Variants in CYRIA observed in about 807,000 individuals in gnomAD.
CYRIA encodes the protein CYFIP related Rac1 interactor A.
In CYRIA, 15 loss-of-function variants were observed where a neutral mutation model predicts 43.9. The observed-to-expected ratio is 0.34, with a 90% confidence interval of 0.23 to 0.53. The LOEUF is 0.53. Among genes scored for constraint, CYRIA ranks in the 20% least tolerant of loss-of-function variants. The pLI is 0.94. For missense variants in CYRIA, 236 were observed against 394.2 expected (o/e 0.60, Z 3.40); for synonymous variants, 117 against 136.0 (o/e 0.86, Z 0.97).
At chr2:16,607,801 T>C (rs6756008) in intron 2 of CYRIA, among the ~76,000 whole-genome samples, 43,718 of 152,028 alleles carry the variant, frequency 0.29, 8,734 homozygotes, top group East Asian at 0.8. Context: ...TTCACCATCT[T>C]GGTCAGGCTG....
chr2:16,563,961 G>T, intron 5 of CYRIA, 28 bp downstream of exon 5: 1 of 1,524,326 alleles, frequency 6.6e-7, no homozygotes, highest in South Asian at 1.1e-5. Context: ...CCGTATGTGG[G>T]CCATGAAAAC....
chr2:16,568,303 C>T lies in CYRIA; in HGVS notation c.71-2536G>A, dbSNP rs186985733. 1.3e-4 allele frequency among the ~76,000 whole-genome samples: 20 copies of T among 150,544 alleles called. 1 individual carries two copies. In the East Asian group the frequency reaches 3.7e-3, roughly 28 times the overall value. On this transcript the variant is annotated intron_variant, in intron 3 of 11. Transcript: ENST00000381323. The stretch of plus-strand genomic sequence containing the variant: ...GCGTTTTTGGATAAGGGGTATTCAA[C>T]CTGAACTTTTTCAGGTTTTATGGCC...
intron 1 of CYRIA, among the ~76,000 whole-genome samples, chr2:16,632,177 C>T (rs10197210): frequency 0.13 from 19,421 of 152,204 alleles, 2,179 homozygotes; most frequent in East Asian, 0.61. Context: ...AAGTGACTTG[C>T]CCCATGCACA....
At chr2:16,632,023 C>T (rs532488567) in intron 1 of CYRIA, among the ~76,000 whole-genome samples, 1 of 152,330 alleles carries the variant, frequency 6.6e-6, no homozygotes, top group East Asian at 1.9e-4. Context: ...CCCAGTGCCC[C>T]AGCCTGCAGC....
At chr2:16,562,922 G>T (rs72777915) in intron 5 of CYRIA, among the ~76,000 whole-genome samples, 1 of 152,112 alleles carries the variant, frequency 6.6e-6, no homozygotes, top group Non-Finnish European at 1.5e-5. Context: ...AAGACAGGAC[G>T]GCCCACAACT....
At chr2:16,565,600 C>T in intron 4 of CYRIA, 46 bp downstream of exon 4, 1 of 1,491,942 alleles carries the variant, frequency 6.7e-7, no homozygotes. Flanking sequence ...TGTGGTTTTC[C>T]TTCCCCTCCT....
intron 1 of CYRIA, among the ~76,000 whole-genome samples, chr2:16,636,063 G>A (rs1197162916): frequency 6.6e-6 from 1 of 152,126 alleles, no homozygotes. Flanking sequence ...GCAATGGCAG[G>A]CAGCATATCT....
chr2:16,585,784 G>A (rs1284043470), intron 3 of CYRIA, among the ~76,000 whole-genome samples: 4 of 152,070 alleles, frequency 2.6e-5, no homozygotes, highest in Non-Finnish European at 4.4e-5. Context: ...AGTGGGTGGG[G>A]GCGCACAGAA....
intron 1 of CYRIA, among the ~76,000 whole-genome samples, chr2:16,662,029 C>A (rs1670269385): frequency 6.6e-6 from 1 of 152,178 alleles, no homozygotes; most frequent in Admixed American, 6.5e-5. Context: ...GAATATGTTT[C>A]TAAAACTCAG....
intron 3 of CYRIA, among the ~76,000 whole-genome samples, chr2:16,581,542 C>CT (rs372906815): frequency 1.4e-3 from 203 of 146,402 alleles, no homozygotes; most frequent in Middle Eastern, 0.011. Flanking sequence ...TTCACAGTTT[C>CT]TTTTTTTTTT....
intron 1 of CYRIA, among the ~76,000 whole-genome samples, chr2:16,663,033 G>T (rs925576221): frequency 6.6e-6 from 1 of 152,222 alleles, no homozygotes; most frequent in Non-Finnish European, 1.5e-5. Flanking sequence ...TCAAGGCTGG[G>T]CAAAATGCCC....
intron 1 of CYRIA, among the ~76,000 whole-genome samples, chr2:16,640,524 T>C (rs2103534232): frequency 6.6e-6 from 1 of 152,338 alleles, no homozygotes; most frequent in Non-Finnish European, 1.5e-5. Flanking sequence ...GCAGGCAGCC[T>C]GCCTAGATTT....
At position 16,551,165 on chromosome 2, in the gene CYRIA, A is replaced by G. The variant is rs191215873; in HGVS notation, c.*1771T>C. On this transcript the variant is annotated 3_prime_UTR_variant, in exon 12 of 12. Coordinates refer to ENST00000381323, the MANE Select transcript of CYRIA (RefSeq NM_030797.4). ...GGGAATCTTTCCTGTCACTTGGCTG[A>G]ACTCCCTTGCTAAAACAACATAAGA... 6.6e-6 allele frequency: 1 copy of G among 152,280 alleles called. No homozygotes were observed. The highest frequency in any genetic ancestry group is 1.9e-4 in the East Asian group (1 of 5,176). 9.4% of individuals were successfully genotyped at this position (152,280 alleles called of 1,614,324 possible). A position where few individuals can be genotyped will look rare whatever the true frequency, so the allele number is the denominator to read the frequency against.
chr2:16,614,098 G>C (rs1369348323), intron 2 of CYRIA, among the ~76,000 whole-genome samples: 1 of 152,180 alleles, frequency 6.6e-6, no homozygotes, highest in African/African-American at 2.4e-5. Context: ...ATCAGAATGA[G>C]TTTCTATAAC....
At chr2:16,623,802 C>T (rs1319895785) in intron 2 of CYRIA, 62 bp downstream of exon 2, 3 of 152,200 alleles carry the variant, frequency 2.0e-5, no homozygotes, top group African/African-American at 7.2e-5. Context: ...GACATACTTC[C>T]TGCAGTATAA....
chr2:16,567,437 C>G (rs959436321), intron 3 of CYRIA, among the ~76,000 whole-genome samples: 2 of 151,928 alleles, frequency 1.3e-5, no homozygotes, highest in Non-Finnish European at 2.9e-5. Flanking sequence ...TGAAACAAAA[C>G]AAAAAAACAA....
intron 1 of CYRIA, among the ~76,000 whole-genome samples, chr2:16,651,422 G>T (rs1013812491): frequency 2.0e-5 from 3 of 152,208 alleles, no homozygotes; most frequent in African/African-American, 7.2e-5. Context: ...ATCAGGAAAA[G>T]TATTTCTGAC....
At chr2:16,622,023 G>A (rs1190093868) in intron 2 of CYRIA, among the ~76,000 whole-genome samples, 1 of 152,136 alleles carries the variant, frequency 6.6e-6, no homozygotes, top group African/African-American at 2.4e-5. Context: ...TCTACTGACT[G>A]AATGGATGAC....
intron 2 of CYRIA, among the ~76,000 whole-genome samples, chr2:16,615,531 C>G (rs1042969773): frequency 6.6e-6 from 1 of 152,142 alleles, no homozygotes; most frequent in Non-Finnish European, 1.5e-5. Flanking sequence ...TTGAGCTGGA[C>G]TAGATGGCTA....
Sources: gnomAD v4.1 joint callset for allele counts (sites outside exome capture counted in the v4.1 genomes callset) on GRCh38, gnomAD v4.1.1 for gene constraint, MANE v1.5 for transcripts, NCBI Gene and HGNC (gene_info 2026-07-23, HGNC 2026-07-21) for gene names.